Variants in MTM1 observed in about 807,000 individuals in gnomAD.
MTM1 encodes the protein myotubularin.
MTM1 carries 9 observed loss-of-function variants against 52.1 expected under a neutral mutation model. The observed-to-expected ratio is 0.17, with a 90% CI of 0.10 to 0.30. The LOEUF is 0.30. Among genes scored for constraint, MTM1 ranks in the 10% least tolerant of loss-of-function variants. The pLI is 1.00. For synonymous variants in MTM1, 136 were observed against 163.8 expected (o/e 0.83, Z 1.29); for missense variants, 277 against 470.7 (o/e 0.59, Z 3.81).
At chrX:150,570,582 TGTTTTCATA>T (rs1440167049) in intron 1 of MTM1, among the ~76,000 whole-genome samples, 5 of 111,465 alleles carry the variant, frequency 4.5e-5, no homozygotes, top group Non-Finnish European at 9.4e-5. Flanking sequence ...AATCCTTTGC[TGTTTTCATA>T]GTTAGATAGC....
At chrX:150,583,226 AAATT>A (rs1421416741) in intron 1 of MTM1, among the ~76,000 whole-genome samples, 4 of 70,221 alleles carry the variant, frequency 5.7e-5, no homozygotes, top group Non-Finnish European at 9.5e-5. Context: ...AAAATTATAT[AAATT>A]ATATATAAAT....
intron 4 of MTM1, among the ~76,000 whole-genome samples, chrX:150,604,103 A>G (rs2039113012): frequency 9.0e-6 from 1 of 111,662 alleles, no homozygotes; most frequent in South Asian, 3.8e-4. Context: ...CCCAGCGAGA[A>G]CAGATTCCAT....
chrX:150,576,722 A>G (rs2038478694), intron 1 of MTM1, among the ~76,000 whole-genome samples: 1 of 111,148 alleles, frequency 9.0e-6, no homozygotes, highest in African/African-American at 3.3e-5. Context: ...ACGTACATGT[A>G]TTTTCCCCTT....
chrX:150,599,209 G>A (rs1162787508), intron 4 of MTM1, among the ~76,000 whole-genome samples: 1 of 112,597 alleles, frequency 8.9e-6, no homozygotes, highest in Non-Finnish European at 1.9e-5. Flanking sequence ...CCAGGTAGCA[G>A]TGTAGAACTA....
intron 7 of MTM1, among the ~76,000 whole-genome samples, chrX:150,639,626 T>C (rs1379038441): frequency 5.4e-5 from 6 of 112,052 alleles, no homozygotes; most frequent in African/African-American, 1.9e-4. Flanking sequence ...GGAACAAAAG[T>C]CTCTTGCAGT....
intron 7 of MTM1, among the ~76,000 whole-genome samples, chrX:150,640,102 C>T (rs1023868044): frequency 9.0e-6 from 1 of 111,592 alleles, no homozygotes; most frequent in Non-Finnish European, 1.9e-5. Context: ...ATTTTAATGG[C>T]CTCAGTTCTG....
At chrX:150,607,774 A>G (rs1557412869) in intron 4 of MTM1, among the ~76,000 whole-genome samples, 1 of 111,698 alleles carries the variant, frequency 9.0e-6, no homozygotes, top group East Asian at 2.8e-4. Context: ...AGTATGTGTT[A>G]AGCACTATGC....
intron 1 of MTM1, among the ~76,000 whole-genome samples, chrX:150,581,940 A>T (rs1180694318): frequency 8.9e-6 from 1 of 112,331 alleles, no homozygotes; most frequent in Non-Finnish European, 1.9e-5. Flanking sequence ...TGTAAATGAA[A>T]GCCGTGATCA....
At chrX:150,647,744 G>A (rs933504513) in intron 9 of MTM1, among the ~76,000 whole-genome samples, 2 of 111,522 alleles carry the variant, frequency 1.8e-5, no homozygotes, top group East Asian at 5.6e-4. Context: ...CCTCCCTTAC[G>A]GATATTTAGA....
rs897074184 is a variant in MTM1, at chrX:150,656,848, C to T, written c.1054-973C>T. ...GACACTTCTCAAAAGAAGACATTTACGCAGCCAGCAGACACATGAAAAACT... is the reference window on the plus strand; with the variant it reads ...GACACTTCTCAAAAGAAGACATTTATGCAGCCAGCAGACACATGAAAAACT... On this transcript the variant is annotated intron_variant, in intron 10 of 14. Transcript: ENST00000370396. Among the ~76,000 whole-genome samples, 9 of 112,201 alleles carry T rather than the reference C, an allele frequency of 8.0e-5. No individual in the cohort carries two copies. In the East Asian group the frequency reaches 1.4e-3, roughly 17 times the overall value.
At chrX:150,585,039 A>G (rs2038759074) in intron 1 of MTM1, among the ~76,000 whole-genome samples, 1 of 108,121 alleles carries the variant, frequency 9.2e-6, no homozygotes, top group Non-Finnish European at 1.9e-5. Flanking sequence ...TATATTAGAA[A>G]TATGTATGGT....
At chrX:150,575,216 T>A (rs2038449534) in intron 1 of MTM1, among the ~76,000 whole-genome samples, 1 of 112,094 alleles carries the variant, frequency 8.9e-6, no homozygotes, top group African/African-American at 3.2e-5. Flanking sequence ...TGGTGCAGAG[T>A]CCCTAAACAG....
At chrX:150,563,815 G>A (rs1557411129), upstream of MTM1, among the ~76,000 whole-genome samples, 2 of 111,232 alleles carry the variant, frequency 1.8e-5, no homozygotes. Context: ...GAACCTGGAA[G>A]GCAAAGGTTG....
chrX:150,569,536 A>G (rs1405579896), intron 1 of MTM1, among the ~76,000 whole-genome samples: 1 of 111,910 alleles, frequency 8.9e-6, no homozygotes, highest in Non-Finnish European at 1.9e-5. Context: ...TGAAGTTTAC[A>G]TTGTTCATTT....
chrX:150,663,694 C>A, intron 14 of MTM1, 85 bp downstream of exon 14: 1 of 897,730 alleles, frequency 1.1e-6, no homozygotes, highest in Non-Finnish European at 1.6e-6. Context: ...TTTTTAACAG[C>A]ATGAAGAAAA....
At chrX:150,584,874 C>G (rs2038755679) in intron 1 of MTM1, among the ~76,000 whole-genome samples, 2 of 111,433 alleles carry the variant, frequency 1.8e-5, no homozygotes, top group African/African-American at 3.3e-5. Context: ...TATGTAAATA[C>G]AAATAAAAAT....
At chrX:150,622,683 A>AT (rs2039502717) in intron 6 of MTM1, among the ~76,000 whole-genome samples, 1 of 112,205 alleles carries the variant, frequency 8.9e-6, no homozygotes, top group Admixed American at 9.4e-5. Context: ...AGTTGTTAGT[A>AT]TAGGGCCTTG....
At chrX:150,584,525 G>T (rs1202386824) in intron 1 of MTM1, among the ~76,000 whole-genome samples, 1 of 111,197 alleles carries the variant, frequency 9.0e-6, no homozygotes, top group Non-Finnish European at 1.9e-5. Flanking sequence ...GTTTATGAGG[G>T]TGATGCTACA....
At chrX:150,562,851 A>G in the MTM1 span, among the ~76,000 whole-genome samples, 4 of 111,395 alleles carry the variant, frequency 3.6e-5, no homozygotes, top group Non-Finnish European at 7.5e-5. Context: ...TCTGCCCAGG[A>G]GCAGAGTGTA....
Sources: gnomAD v4.1 joint callset for allele counts (sites outside exome capture counted in the v4.1 genomes callset) on GRCh38, gnomAD v4.1.1 for gene constraint, MANE v1.5 for transcripts, NCBI Gene and HGNC (gene_info 2026-07-23, HGNC 2026-07-21) for gene names.